Variants in PRICKLE2 observed in about 807,000 individuals in gnomAD.
PRICKLE2 encodes prickle planar cell polarity protein 2.
A neutral mutation model predicts 81.4 loss-of-function variants in PRICKLE2; 21 were observed. That is an observed-to-expected ratio of 0.26 (90% CI 0.18 to 0.37). PRICKLE2 has a LOEUF of 0.37. Among genes scored for constraint, PRICKLE2 ranks in the 10% least tolerant of loss-of-function variants. The pLI is 1.00. For synonymous variants in PRICKLE2, 456 were observed against 421.5 expected, an observed-to-expected ratio of 1.08 and a Z score of -1.00; for missense variants, 940 against 1,109.0, an observed-to-expected ratio of 0.85 and a Z score of 2.16.
chr3:64,188,565 G>A (rs78839161), intron 2 of PRICKLE2, among the ~76,000 whole-genome samples: 2,127 of 152,258 alleles, frequency 0.014, 23 homozygotes, highest in Non-Finnish European at 0.02. Context: ...TGAAAACCAC[G>A]GGACGAGGCA....
intron 2 of PRICKLE2, among the ~76,000 whole-genome samples, chr3:64,264,602 C>T (rs2079669903): frequency 6.6e-6 from 1 of 152,194 alleles, no homozygotes; most frequent in South Asian, 2.1e-4. Flanking sequence ...ATTTATCTAA[C>T]ATCCAACTCA....
chr3:64,140,973 A>T (rs1175272114), intron 7 of PRICKLE2, among the ~76,000 whole-genome samples: 1 of 152,218 alleles, frequency 6.6e-6, no homozygotes, highest in East Asian at 1.9e-4. Flanking sequence ...ATGGCTTTGC[A>T]GTTGATCACA....
chr3:64,169,774 C>A (rs572564997), intron 2 of PRICKLE2, among the ~76,000 whole-genome samples: 245 of 152,314 alleles, frequency 1.6e-3, no homozygotes, highest in African/African-American at 5.7e-3. Context: ...TGCCCCCTCA[C>A]CTGCAGTTTG....
chr3:64,099,447 A>G lies in PRICKLE2; in HGVS notation c.2139T>C (p.Asp713=), dbSNP rs1340446540. 6.3e-7 allele frequency: 1 copy of G among 1,586,550 alleles called. No individual in the cohort carries two copies. Among genetic ancestry groups the G allele is most frequent in the Admixed American group, 1.7e-5 (1 of 57,546 alleles). The change falls in exon 8 of 8, where the codon GAT becomes GAC. Residue 713 remains aspartate, a synonymous_variant. Coordinates refer to ENST00000638394, the MANE Select transcript of PRICKLE2 (RefSeq NM_198859.4). The surrounding 1 kb of genome is among the most constrained non-coding windows in gnomAD (Gnocchi z 4.3). ...SEREAISRLK[D]RPPLRAREDY... ...CCTCCCTGGCTCTCAGAGGGGGCCT[A>G]TCTTTTAACCGGGAGATGGCCTCGC...
At chr3:64,110,706 A>G (rs1266994687) in intron 7 of PRICKLE2, among the ~76,000 whole-genome samples, 1 of 152,024 alleles carries the variant, frequency 6.6e-6, no homozygotes, top group Non-Finnish European at 1.5e-5. Context: ...TTTGTACTAG[A>G]GAAGGTGCCA....
chr3:64,112,959 G>T (rs987004653), intron 7 of PRICKLE2, among the ~76,000 whole-genome samples: 2 of 122,888 alleles, frequency 1.6e-5, no homozygotes, highest in African/African-American at 6.0e-5. Flanking sequence ...AGAATGGATG[G>T]AGGCAAGACA....
chr3:64,193,201 G>A (rs79615507), intron 2 of PRICKLE2, among the ~76,000 whole-genome samples: 168 of 152,310 alleles, frequency 1.1e-3, no homozygotes, highest in African/African-American at 4.0e-3. Flanking sequence ...GCCAATAAAT[G>A]CAAGTGGTCA....
chr3:64,128,918 A>ATTTTTTTTTTTTAGGATTTTTTATT, intron 7 of PRICKLE2, among the ~76,000 whole-genome samples: 1 of 149,894 alleles, frequency 6.7e-6, no homozygotes, highest in Non-Finnish European at 1.5e-5. Flanking sequence ...GGGATTTTTT[A>ATTTTTTTTTTTTAGGATTTTTTATT]TTTTTTTTTT....
intron 7 of PRICKLE2, chr3:64,101,206 T>C (rs912532585): frequency 6.6e-6 from 1 of 152,264 alleles, no homozygotes; most frequent in East Asian, 1.9e-4. Context: ...CTCTTGATTA[T>C]ATATTCATCA....
chr3:64,100,231 C>T (rs756040520), intron 7 of PRICKLE2: 23 of 394,762 alleles, frequency 5.8e-5, no homozygotes, highest in Non-Finnish European at 9.2e-5. Flanking sequence ...ATGATGCTTC[C>T]TCTATTTGGA....
At chr3:64,153,442 G>T (rs2077577760) in intron 5 of PRICKLE2, 74 bp from the exon 6 acceptor site, 1 of 1,455,958 alleles carries the variant, frequency 6.9e-7, no homozygotes, top group African/African-American at 1.4e-5. Context: ...AAAGCTATGG[G>T]GTCCTTGAAC....
intron 5 of PRICKLE2, chr3:64,154,091 T>A (rs1397606492): frequency 6.6e-6 from 1 of 152,538 alleles, no homozygotes; most frequent in African/African-American, 2.4e-5. Flanking sequence ...GTATCCAGAT[T>A]TAAACTCATA....
chr3:64,198,772 C>A lies in PRICKLE2; in HGVS notation c.144+12G>T, dbSNP rs771884660. ...ACCCAAACCACCAGCATGCTCCCAT[C>A]CAGAATGGTACCTGTTCAGGCTTCA... On this transcript the variant is annotated intron_variant, in intron 2 of 7. Transcript: ENST00000638394. 165 of 1,613,878 alleles carry A rather than the reference C, an allele frequency of 1.0e-4. 1 individual carries two copies. Among genetic ancestry groups the A allele is most frequent in the Admixed American group, 6.7e-4 (40 of 60,008 alleles).
At position 64,157,281 on chromosome 3, in the gene PRICKLE2, C is replaced by T. The variant is rs773419206; in HGVS notation, c.481G>A (p.Val161Ile). ...AGGAGCTCATTGCAGACAGTGCATA[C>T]GAAGCACGGCGGGTGCCAGCAAACG... Reference protein sequence around the residue: ...HGVCWHPPCFVCTVCNELLVD... With the variant: ...HGVCWHPPCFICTVCNELLVD... The change falls in exon 5 of 8, where the codon GTA (valine) becomes ATA (isoleucine). Residue 161 changes from valine to isoleucine, a missense_variant. This residue lies in a region of PRICKLE2 where 270 missense variants were observed against 391.8 expected (regional missense o/e 0.69). Coordinates refer to ENST00000638394, the MANE Select transcript of PRICKLE2 (RefSeq NM_198859.4). 18 of 1,614,094 alleles carry T rather than the reference C, an allele frequency of 1.1e-5. No individual in the cohort carries two copies. In the East Asian group the frequency reaches 1.6e-4, roughly 14 times the overall value.
intron 7 of PRICKLE2, among the ~76,000 whole-genome samples, chr3:64,111,122 CTT>C (rs1340705298): frequency 2.0e-5 from 3 of 152,160 alleles, no homozygotes; most frequent in Non-Finnish European, 4.4e-5. Context: ...GGCCTGGACT[CTT>C]TTGTGCTCAG....
chr3:64,168,810 C>G (rs1015462698), intron 2 of PRICKLE2, among the ~76,000 whole-genome samples: 3 of 152,116 alleles, frequency 2.0e-5, no homozygotes, highest in Admixed American at 6.6e-5. Flanking sequence ...CGTGGCTGAC[C>G]ACAGAAACGA....
In PRICKLE2 at chr3:64,160,095, A is replaced by G. The variant is rs201922686; in HGVS notation, c.259-18T>C. 2 of 1,613,294 alleles carry G rather than the reference A, an allele frequency of 1.2e-6. No individual in the cohort carries two copies. Among genetic ancestry groups the G allele is most frequent in the East Asian group, 2.2e-5 (1 of 44,860 alleles). On this transcript the variant is annotated intron_variant, in intron 3 of 7. Coordinates refer to ENST00000638394, the MANE Select transcript of PRICKLE2 (RefSeq NM_198859.4). ...TATCGAACCTGAATAGACACAGACA[A>G]TGGCATGGAAAAAGTCACCCTTGCT... is the stretch of plus-strand genomic sequence containing the variant.
chr3:64,190,478 T>G (rs1323710100), intron 2 of PRICKLE2: 1 of 152,234 alleles, frequency 6.6e-6, no homozygotes, highest in East Asian at 1.9e-4. Context: ...ATAACTACAG[T>G]GCAGTAGAAA....
intron 2 of PRICKLE2, among the ~76,000 whole-genome samples, chr3:64,247,216 T>C (rs932874544): frequency 1.3e-5 from 2 of 152,108 alleles, no homozygotes; most frequent in African/African-American, 4.8e-5. Flanking sequence ...TTTAATTATA[T>C]ATATCATACT....
Sources: gnomAD v4.1 joint callset for allele counts (sites outside exome capture counted in the v4.1 genomes callset) on GRCh38, gnomAD v4.1.1 for gene constraint, gnomAD v4.1.1 regional missense constraint, Gnocchi (gnomAD v3.1) non-coding constraint, MANE v1.5 for transcripts, NCBI Gene and HGNC (gene_info 2026-07-23, HGNC 2026-07-21) for gene names.